The following MACF1 variants were observed in gnomAD, a reference collection of about 807,000 sequenced individuals.
MACF1 encodes the protein microtubule actin crosslinking factor 1, also known as microtubule-actin cross-linking factor 1.
Under a neutral mutation model 854.8 loss-of-function variants are expected in MACF1, and 193 were observed. The ratio of observed to expected loss-of-function variants is 0.23; its 90% CI spans 0.20 to 0.25. The LOEUF is 0.25. Among genes scored for constraint, MACF1 ranks in the 10% least tolerant of loss-of-function variants. The pLI, the probability that MACF1 is intolerant of heterozygous loss-of-function variation, is 1.00. For synonymous variants in MACF1, 3,185 were observed against 3,226.7 expected, an observed-to-expected ratio of 0.99 and a Z score of 0.44; for missense variants, 7,722 against 8,929.1, an observed-to-expected ratio of 0.86 and a Z score of 5.45.
intron 2 of MACF1, among the ~76,000 whole-genome samples, chr1:39,100,156 A>G (rs931156400): frequency 6.6e-6 from 1 of 152,160 alleles, no homozygotes; most frequent in Non-Finnish European, 1.5e-5. Flanking sequence ...GCTTGAGCCT[A>G]AGAGGCAGAG....
intron 6 of MACF1, among the ~76,000 whole-genome samples, chr1:39,280,530 A>C (rs1177279627): frequency 6.6e-6 from 1 of 152,154 alleles, no homozygotes; most frequent in African/African-American, 2.4e-5. Flanking sequence ...AGATAAGATT[A>C]AATATATGAA....
At position 39,309,623 on chromosome 1, in the gene MACF1, A is replaced by G. The variant is rs1189122862; in HGVS notation, c.2843A>G (p.Asn948Ser). 1 of 1,614,176 alleles carries G rather than the reference A, an allele frequency of 6.2e-7. No individual in the cohort carries two copies. The highest frequency in any genetic ancestry group is 2.2e-5 in the East Asian group (1 of 44,888). The change falls in exon 24 of 101, where the codon AAC becomes AGC. Residue 948 changes from asparagine to serine, a missense_variant. Coordinates refer to ENST00000564288, the MANE Select transcript of MACF1 (RefSeq NM_001394062.1). ...VMALWHQLHV[N>S]TKSLISWNYL... ...GCCCTTTGGCATCAGCTGCATGTTA[A>G]CACCAAAAGCCTTATCTCTTGGAAC... is the stretch of plus-strand genomic sequence containing the variant.
At chr1:39,234,259 C>G (rs1644824251) in intron 2 of MACF1, among the ~76,000 whole-genome samples, 1 of 152,154 alleles carries the variant, frequency 6.6e-6, no homozygotes, top group Non-Finnish European at 1.5e-5. Context: ...TTCTATTCCA[C>G]AAAGCCGCCA....
Position 39,453,830 on chromosome 1 carries a change from A to G in MACF1, c.20866A>G (p.Ile6956Val), listed in dbSNP as rs12068423. Residue 6956 changes from isoleucine (I) to valine (V), a missense_variant, in exon 88 of 101, where the codon ATC becomes GTC. By Grantham distance (29) the Ile-to-Val change is conservative. Transcript: ENST00000564288. ...ITTIKHWITI[I>V]RARFEEVLTW... ...AACCATCAAACACTGGATCACCATC[A>G]TCCGAGCTCGCTTCGAGGAGGTGAG... is the stretch of plus-strand genomic sequence containing the variant. 8.5e-4 allele frequency: 1,374 copies of G among 1,614,216 alleles called. 8 individuals carry two copies. The African/African-American group carries it at 0.017, about 20-fold the overall frequency.
chr1:39,138,687 CAG>C (rs1169616750), intron 2 of MACF1, among the ~76,000 whole-genome samples: 1 of 151,374 alleles, frequency 6.6e-6, no homozygotes, highest in African/African-American at 2.4e-5. Context: ...TTTTTGGAGA[CAG>C]AGTCTTGCTC....
intron 2 of MACF1, among the ~76,000 whole-genome samples, chr1:39,143,936 A>C (rs1643403886): frequency 6.7e-6 from 1 of 149,762 alleles, no homozygotes; most frequent in Non-Finnish European, 1.5e-5. Context: ...TACAGGCACC[A>C]GCCACCATGC....
chr1:39,111,492 C>A (rs1324733642), intron 2 of MACF1, among the ~76,000 whole-genome samples: 2 of 152,078 alleles, frequency 1.3e-5, no homozygotes, highest in Non-Finnish European at 2.9e-5. Context: ...ATGCCATTCT[C>A]CTGTCTCAGC....
intron 1 of MACF1, among the ~76,000 whole-genome samples, chr1:39,209,088 C>A (rs1571175974): frequency 6.6e-6 from 1 of 151,628 alleles, no homozygotes; most frequent in South Asian, 2.1e-4. Context: ...CCTGTCTCTA[C>A]TAAAAAATAC....
In MACF1 at chr1:39,442,192, CT is replaced by C; in HGVS notation, c.18822del (p.Asn6275IlefsTer6). 1 of 1,601,866 alleles carries C rather than the reference CT, an allele frequency of 6.2e-7. No homozygotes were observed. Among genetic ancestry groups the C allele is most frequent in the South Asian group, 1.1e-5 (1 of 89,430 alleles). Reference protein sequence around the residue: ...VYQQQIEMEKLNHQGELMLKK... With the variant: ...VYQQQIEMEKXNHQGELMLKK... The stretch of plus-strand genomic sequence containing the variant: ...CCAACAGCAAATTGAGATGGAGAAG[CT>C]TAATCACCAGGGTGAACTGATGTTA... On this transcript the variant is annotated frameshift_variant, in exon 76 of 101. Transcript: ENST00000564288. LOFTEE classifies it high-confidence loss of function.
At chr1:39,203,934 G>A (rs1048180291), upstream of MACF1, among the ~76,000 whole-genome samples, 5 of 152,100 alleles carry the variant, frequency 3.3e-5, no homozygotes, top group African/African-American at 9.7e-5. Context: ...GTGGATATAC[G>A]TTTCTCTTTT....
intron 61 of MACF1, among the ~76,000 whole-genome samples, chr1:39,425,828 C>A (rs1436884962): frequency 6.6e-6 from 1 of 152,116 alleles, no homozygotes; most frequent in Non-Finnish European, 1.5e-5. Context: ...TATGTACTTA[C>A]CTTCCTGGTC....
intron 58 of MACF1, among the ~76,000 whole-genome samples, chr1:39,404,648 C>G (rs1327890818): frequency 6.6e-6 from 1 of 152,020 alleles, no homozygotes; most frequent in African/African-American, 2.4e-5. Flanking sequence ...CATGCCTGGC[C>G]AATTTTTTAA....
At chr1:39,114,491 G>A (rs1038496900) in intron 2 of MACF1, among the ~76,000 whole-genome samples, 4 of 152,066 alleles carry the variant, frequency 2.6e-5, no homozygotes, top group Non-Finnish European at 5.9e-5. Context: ...TATTTGGGAG[G>A]CTGAGACAGG....
chr1:39,428,123 C>T lies in MACF1; in HGVS notation c.16639C>T (p.Arg5547Trp), dbSNP rs1480607689. 6.8e-6 allele frequency: 11 copies of T among 1,614,026 alleles called. No homozygotes were observed. Among genetic ancestry groups the T allele is most frequent in the African/African-American group, 2.7e-5 (2 of 74,908 alleles). The change falls in exon 63 of 101, where the codon CGG (arginine) becomes TGG (tryptophan). Residue 5547 changes from arginine to tryptophan, a missense_variant. Arg to Trp is a moderately radical substitution (Grantham distance 101). This residue lies in a region of MACF1 where 2,807 missense variants were observed against 3,235.8 expected (regional missense o/e 0.87). Coordinates refer to ENST00000564288, the MANE Select transcript of MACF1 (RefSeq NM_001394062.1). ...CAGTGAAATTCAAGACCGCTGTTGTCGGAAGGCAGCCCTACTTGACCAAGC... is the reference window on the plus strand; with the variant it reads ...CAGTGAAATTCAAGACCGCTGTTGTTGGAAGGCAGCCCTACTTGACCAAGC... ...RYSEIQDRCC[R>W]KAALLDQALS...
At chr1:39,276,633 A>T (rs1645443237) in intron 6 of MACF1, among the ~76,000 whole-genome samples, 1 of 152,182 alleles carries the variant, frequency 6.6e-6, no homozygotes, top group African/African-American at 2.4e-5. Flanking sequence ...TTTATATGGT[A>T]CTTCTAGAAA....
At chr1:39,304,000 G>A (rs1036313285) in intron 23 of MACF1, among the ~76,000 whole-genome samples, 10 of 150,882 alleles carry the variant, frequency 6.6e-5, no homozygotes, top group East Asian at 1.9e-4. Flanking sequence ...GCAGCTTCAC[G>A]TTGATGCCAT....
chr1:39,327,380 T>C (rs1319376687), intron 36 of MACF1, 27 bp downstream of exon 36: 1 of 1,573,654 alleles, frequency 6.4e-7, no homozygotes, highest in Non-Finnish European at 8.7e-7. Context: ...TCTCCAAATA[T>C]TGGGTGGATA....
intron 1 of MACF1, among the ~76,000 whole-genome samples, chr1:39,207,110 A>T (rs962626190): frequency 3.0e-4 from 45 of 152,170 alleles, no homozygotes; most frequent in African/African-American, 1.1e-3. Context: ...GTGTTAACTG[A>T]ACTATTATAA....
intron 60 of MACF1, among the ~76,000 whole-genome samples, chr1:39,423,170 C>T (rs2148638297): frequency 6.6e-6 from 1 of 152,198 alleles, no homozygotes; most frequent in Non-Finnish European, 1.5e-5. Context: ...TTGGTGTTTT[C>T]AGGGTCAGCA....
Sources: gnomAD v4.1 joint callset for allele counts (sites outside exome capture counted in the v4.1 genomes callset) on GRCh38, gnomAD v4.1.1 for gene constraint, gnomAD v4.1.1 regional missense constraint, MANE v1.5 for transcripts, NCBI Gene and HGNC (gene_info 2026-07-23, HGNC 2026-07-21) for gene names.